Variants in FAM200B observed in about 807,000 individuals in gnomAD.
FAM200B encodes the protein zinc finger BED-type containing 11.
Under a neutral mutation model 33.1 loss-of-function variants are expected in FAM200B, and 32 were observed. The ratio of observed to expected loss-of-function variants is 0.97; its 90% CI spans 0.73 to 1.30. The LOEUF (loss-of-function observed/expected upper bound fraction) is 1.30, where lower values mean the gene tolerates loss of function less well. Ranked by LOEUF, FAM200B falls within the 50% of genes most tolerant of loss-of-function variation. The pLI is 0.00. For synonymous variants in FAM200B, 240 were observed against 264.8 expected, an observed-to-expected ratio of 0.91 and a Z score of 0.91; for missense variants, 741 against 754.0, an observed-to-expected ratio of 0.98 and a Z score of 0.20.
chr4:15,677,235 T>A (rs1718027276), upstream of FAM200B, among the ~76,000 whole-genome samples: 1 of 152,196 alleles, frequency 6.6e-6, no homozygotes, highest in African/African-American at 2.4e-5. Context: ...GCTGGGTATA[T>A]ATGTTCGTCT....
At chr4:15,672,577 A>C in the FAM200B span, among the ~76,000 whole-genome samples, 1 of 152,222 alleles carries the variant, frequency 6.6e-6, no homozygotes, top group Non-Finnish European at 1.5e-5. Context: ...AGTATGAAAG[A>C]TAAAATGGTA....
the FAM200B span, among the ~76,000 whole-genome samples, chr4:15,645,274 T>G: frequency 1.3e-5 from 2 of 152,144 alleles, no homozygotes; most frequent in African/African-American, 4.8e-5. Context: ...AAATTATTCC[T>G]ACTATACATA....
chr4:15,645,811 A>G, the FAM200B span, among the ~76,000 whole-genome samples: 3 of 152,238 alleles, frequency 2.0e-5, no homozygotes, highest in Non-Finnish European at 2.9e-5. Context: ...AGTACTCAAT[A>G]AACATTAGCT....
At chr4:15,639,227 C>A in the FAM200B span, among the ~76,000 whole-genome samples, 1 of 152,276 alleles carries the variant, frequency 6.6e-6, no homozygotes, top group Admixed American at 6.5e-5. Flanking sequence ...GTAAATCAAT[C>A]CAAAACAATT....
At chr4:15,644,711 G>A in the FAM200B span, 1 of 1,588,196 alleles carries the variant, frequency 6.3e-7, no homozygotes, top group Admixed American at 1.7e-5. Context: ...TTAGAAAGCT[G>A]AATAAAAATT....
chr4:15,640,378 C>A, the FAM200B span, among the ~76,000 whole-genome samples: 2 of 92,054 alleles, frequency 2.2e-5, no homozygotes, highest in African/African-American at 4.1e-5. Flanking sequence ...CATTTAAATA[C>A]TAAACTACAC....
At chr4:15,676,454 G>C in the FAM200B span, among the ~76,000 whole-genome samples, 1 of 152,068 alleles carries the variant, frequency 6.6e-6, no homozygotes, top group African/African-American at 2.4e-5. Flanking sequence ...ACAAAAAAAA[G>C]GGAGACTCTG....
At chr4:15,679,694 T>C (rs1418699773), upstream of FAM200B, among the ~76,000 whole-genome samples, 1 of 152,108 alleles carries the variant, frequency 6.6e-6, no homozygotes, top group Non-Finnish European at 1.5e-5. Flanking sequence ...CTAACTCATA[T>C]TCCCAAACTT....
upstream of FAM200B, among the ~76,000 whole-genome samples, chr4:15,680,258 G>C (rs911181536): frequency 6.6e-6 from 1 of 152,172 alleles, no homozygotes; most frequent in African/African-American, 2.4e-5. Flanking sequence ...TACCCGTGAA[G>C]ACTATTAGGA....
chr4:15,644,747 T>A, the FAM200B span: 1 of 1,400,872 alleles, frequency 7.1e-7, no homozygotes, highest in Admixed American at 1.9e-5. Flanking sequence ...AATAAATACG[T>A]GCAAATATGC....
chr4:15,648,623 G>A, the FAM200B span, among the ~76,000 whole-genome samples: 33 of 152,312 alleles, frequency 2.2e-4, no homozygotes, highest in African/African-American at 7.2e-4. Flanking sequence ...GAGACAGAGA[G>A]ATAAATAATG....
At chr4:15,640,689 A>G in the FAM200B span, 1 of 571,824 alleles carries the variant, frequency 1.7e-6, no homozygotes, top group Non-Finnish European at 3.0e-6. Flanking sequence ...TCCATCAACC[A>G]GATACATCTT....
chr4:15,643,987 C>G, the FAM200B span, among the ~76,000 whole-genome samples: 579 of 152,220 alleles, frequency 3.8e-3, 5 homozygotes, highest in African/African-American at 0.013. Context: ...CTCCTCTGGG[C>G]CCTCTTCTCA....
At chr4:15,668,277 A>G in the FAM200B span, among the ~76,000 whole-genome samples, 2 of 151,468 alleles carry the variant, frequency 1.3e-5, no homozygotes, top group African/African-American at 4.8e-5. Flanking sequence ...AACTTGTAAC[A>G]TTTTAATCAA....
At chr4:15,638,555 T>C in the FAM200B span, 7 of 1,603,588 alleles carry the variant, frequency 4.4e-6, no homozygotes, top group Non-Finnish European at 5.9e-6. Context: ...CTTCTGTCGC[T>C]CTTCAGCATG....
the FAM200B span, among the ~76,000 whole-genome samples, chr4:15,676,091 A>G: frequency 6.6e-6 from 1 of 152,232 alleles, no homozygotes; most frequent in Non-Finnish European, 1.5e-5. Flanking sequence ...ATCTAAAACC[A>G]GAAAGGAGGT....
chr4:15,655,350 C>T, the FAM200B span: 2 of 1,257,438 alleles, frequency 1.6e-6, no homozygotes, highest in South Asian at 1.7e-5. Context: ...ACACCCTCGC[C>T]GCGGGGCAGA....
chr4:15,654,075 T>C, the FAM200B span, among the ~76,000 whole-genome samples: 43,853 of 152,088 alleles, frequency 0.29, 6,638 homozygotes, highest in East Asian at 0.48. Flanking sequence ...CTGCTTTAAA[T>C]TGCTGGTCTT....
chr4:15,649,043 G>C, the FAM200B span, among the ~76,000 whole-genome samples: 1 of 151,848 alleles, frequency 6.6e-6, no homozygotes, highest in Non-Finnish European at 1.5e-5. Context: ...CAGATCAACA[G>C]ATCAAGTTAA....
Sources: allele counts gnomAD v4.1 joint callset (sites outside exome capture counted in the v4.1 genomes callset), GRCh38; gene constraint gnomAD v4.1.1; transcripts MANE v1.5; gene names NCBI Gene and HGNC (gene_info 2026-07-23, HGNC 2026-07-21).